Variants in ESRRA observed in about 807,000 individuals in gnomAD.
ESRRA encodes the protein estrogen related receptor alpha.
In ESRRA, 7 loss-of-function variants were observed where a neutral mutation model predicts 35.6. That is an observed-to-expected ratio of 0.20 (90% CI 0.11 to 0.37). The LOEUF (loss-of-function observed/expected upper bound fraction) is 0.37, where lower values mean the gene tolerates loss of function less well. Ranked by LOEUF, ESRRA falls within the 10% of genes least tolerant of loss-of-function variation. ESRRA has a pLI of 1.00. For missense variants in ESRRA, 378 were observed against 561.7 expected, an observed-to-expected ratio of 0.67 and a Z score of 3.31; for synonymous variants, 223 against 246.9, an observed-to-expected ratio of 0.90 and a Z score of 0.91.
chr11:64,316,643 T>G lies in ESRRA; in HGVS notation c.*677T>G. 1 of 548,960 alleles carries G rather than the reference T, an allele frequency of 1.8e-6. No individual in the cohort carries two copies. 34.0% of individuals were successfully genotyped at this position (548,960 alleles called of 1,614,324 possible). A position where few individuals can be genotyped will look rare whatever the true frequency, so the allele number is the denominator to read the frequency against. Reference sequence around the variant, plus strand: ...CAAGCCAGGGCCCAGAGCCCTTGGCTGTACAGAGACTCTATTTTAATGTAT... The same window carrying G: ...CAAGCCAGGGCCCAGAGCCCTTGGCGGTACAGAGACTCTATTTTAATGTAT... On this transcript the variant is annotated 3_prime_UTR_variant, in exon 7 of 7. Coordinates refer to ENST00000000442, the MANE Select transcript of ESRRA (RefSeq NM_004451.5).
intron 2 of ESRRA, among the ~76,000 whole-genome samples, chr11:64,307,849 C>G (rs1040410927): frequency 2.6e-5 from 4 of 152,112 alleles, no homozygotes; most frequent in African/African-American, 9.7e-5. Context: ...GAACATGTCC[C>G]CTTTTTGTTA....
Position 64,315,102 on chromosome 11 carries a change from G to C in ESRRA, c.844G>C (p.Asp282His). ...GGCCCAGCGCTCACTGCCACTGCAG[G>C]ATGAGCTGGCCTTCGCTGAGGACTT... Reference protein sequence around the residue: ...GVAQRSLPLQDELAFAEDLVL... With the variant: ...GVAQRSLPLQHELAFAEDLVL... Residue 282 changes from aspartate (D) to histidine (H), a missense_variant, in exon 6 of 7, where the codon GAT (aspartate) becomes CAT (histidine). This residue lies in a region of ESRRA where 284 missense variants were observed against 411.7 expected (regional missense o/e 0.69). Transcript: ENST00000000442. 6.2e-6 allele frequency: 10 copies of C among 1,612,230 alleles called. No individual in the cohort carries two copies. The highest frequency in any genetic ancestry group is 8.5e-6 in the Non-Finnish European group (10 of 1,180,002).
intron 2 of ESRRA, among the ~76,000 whole-genome samples, chr11:64,310,236 C>A (rs1398627229): frequency 6.8e-6 from 1 of 147,094 alleles, no homozygotes; most frequent in Non-Finnish European, 1.5e-5. Context: ...CATTCCAGCA[C>A]GTTTTTTTTT....
intron 2 of ESRRA, among the ~76,000 whole-genome samples, chr11:64,311,716 CAG>C (rs1022204665): frequency 1.7e-4 from 24 of 143,542 alleles, no homozygotes; most frequent in African/African-American, 5.7e-4. Flanking sequence ...TTTTTTTAGA[CAG>C]AGTCTCACTC....
rs2035197879 is a variant in ESRRA, at chr11:64,314,321, C to G, written c.525C>G (p.Pro175=). 3 of 1,606,488 alleles carry G rather than the reference C, an allele frequency of 1.9e-6. No individual in the cohort carries two copies. The highest frequency in any genetic ancestry group is 2.5e-6 in the Non-Finnish European group (3 of 1,176,952). ...PEVDPLPFPG[P]FPAGPLAVAG... is the part of the protein sequence containing the mutation. ...TGGACCCACTGCCCTTCCCGGGCCC[C>G]TTCCCTGCTGGGCCCCTGGCAGTCG... Residue 175 remains proline, a synonymous_variant, in exon 4 of 7, where the codon CCC becomes CCG. Coordinates refer to ENST00000000442, the MANE Select transcript of ESRRA (RefSeq NM_004451.5).
chr11:64,316,104 A>G lies in ESRRA; in HGVS notation c.*138A>G. On this transcript the variant is annotated 3_prime_UTR_variant, in exon 7 of 7. Coordinates refer to ENST00000000442, the MANE Select transcript of ESRRA (RefSeq NM_004451.5). ...CAGGGCAATGCCATCAGCCCCTGGGAACAGGCCCCACGCCCTCTCCTCCCC... is the reference window on the plus strand; with the variant it reads ...CAGGGCAATGCCATCAGCCCCTGGGGACAGGCCCCACGCCCTCTCCTCCCC... 9.5e-7 allele frequency: 1 copy of G among 1,053,374 alleles called. No individual in the cohort carries two copies. Among genetic ancestry groups the G allele is most frequent in the Non-Finnish European group, 1.4e-6 (1 of 729,780 alleles). 65.3% of individuals were successfully genotyped at this position (1,053,374 alleles called of 1,614,324 possible).
chr11:64,309,163 G>C (rs570229563), intron 2 of ESRRA, among the ~76,000 whole-genome samples: 1 of 151,958 alleles, frequency 6.6e-6, no homozygotes, highest in East Asian at 1.9e-4. Context: ...GCTGGGCTTG[G>C]TGGCTCATGG....
At chr11:64,315,358 GA>G in intron 6 of ESRRA, 88 bp downstream of exon 6, 1 of 1,422,564 alleles carries the variant, frequency 7.0e-7, no homozygotes, top group East Asian at 2.4e-5. Context: ...CCATTTTGCA[GA>G]TAACGAAAAC....
In ESRRA at chr11:64,315,201, C is replaced by T; in HGVS notation, c.943C>T (p.Arg315Trp). ...GGCTGCCCTGCTGCAACTAGTGCGGCGGCTGCAGGCCCTGCGGCTGGAGCG... is the reference window on the plus strand; with the variant it reads ...GGCTGCCCTGCTGCAACTAGTGCGGTGGCTGCAGGCCCTGCGGCTGGAGCG... ...LGAALLQLVR[R>W]LQALRLEREE... Residue 315 changes from arginine to tryptophan, a missense_variant, in exon 6 of 7, where the codon CGG (arginine) becomes TGG (tryptophan). By Grantham distance (101) the Arg-to-Trp change is moderately radical (BLOSUM62 -3). This residue lies in a region of ESRRA where 284 missense variants were observed against 411.7 expected (regional missense o/e 0.69). Transcript: ENST00000000442. 1 of 1,611,448 alleles carries T rather than the reference C, an allele frequency of 6.2e-7. No individual in the cohort carries two copies. Among genetic ancestry groups the T allele is most frequent in the Non-Finnish European group, 8.5e-7 (1 of 1,178,594 alleles).
intron 2 of ESRRA, among the ~76,000 whole-genome samples, chr11:64,310,281 C>T (rs1355724994): frequency 1.4e-5 from 2 of 144,612 alleles, no homozygotes; most frequent in Non-Finnish European, 3.0e-5. Flanking sequence ...GTCGCCCAGG[C>T]TGGAGTGCAG....
intron 2 of ESRRA, among the ~76,000 whole-genome samples, chr11:64,311,982 C>CTTTTTTTTTTTTT (rs544336819): frequency 0.069 from 4,727 of 68,138 alleles, 1,121 homozygotes; most frequent in Middle Eastern, 0.088. Context: ...TGCGCCTGGC[C>CTTTTTTTTTTTTT]TTTTTTTTTT....
At chr11:64,307,117 C>T (rs2035049075) in intron 1 of ESRRA, 51 bp from the exon 2 acceptor site, 3 of 1,446,016 alleles carry the variant, frequency 2.1e-6, no homozygotes, top group Non-Finnish European at 2.8e-6. Flanking sequence ...AGGGTGTCTC[C>T]CATCCCCCAT....
rs776907055 is a variant in ESRRA at position 64,315,715 on chromosome 11, C to T, written c.1021C>T (p.His341Tyr). ...ALALANSDSV[H>Y]IEDAEAVEQL... ...TTCCTCTCTTCTTGCAGACTCTGTG[C>T]ACATCGAAGATGCCGAGGCTGTGGA... The change falls in exon 7 of 7, where the codon CAC becomes TAC. Residue 341 changes from histidine to tyrosine, a missense_variant. By Grantham distance (83) the His-to-Tyr change is moderately conservative. Coordinates refer to ENST00000000442, the MANE Select transcript of ESRRA (RefSeq NM_004451.5). 5 of 1,613,920 alleles carry T rather than the reference C, an allele frequency of 3.1e-6. No individual in the cohort carries two copies. In the Admixed American group the frequency reaches 5.0e-5, roughly 16 times the overall value.
In ESRRA at chr11:64,314,346, G is replaced by A. The variant is rs545270604; in HGVS notation, c.550G>A (p.Ala184Thr). The change falls in exon 4 of 7, where the codon GCT becomes ACT. Residue 184 changes from alanine (A) to threonine (T), a missense_variant. Coordinates refer to ENST00000000442, the MANE Select transcript of ESRRA (RefSeq NM_004451.5). ...GPFPAGPLAV[A>T]GGPRKTAAPV... ...CTTCCCTGCTGGGCCCCTGGCAGTC[G>A]CTGGAGGCCCCCGGAAGACAGGTGA... is the stretch of plus-strand genomic sequence containing the variant. The A allele has an allele frequency of 1.1e-5, 17 of 1,591,242 alleles. No homozygotes were observed. Among genetic ancestry groups the A allele is most frequent in the South Asian group, 7.9e-5 (7 of 88,180 alleles).
At chr11:64,306,250 G>C (rs1330674206) in intron 1 of ESRRA, 1 of 152,354 alleles carries the variant, frequency 6.6e-6, no homozygotes, top group Non-Finnish European at 1.5e-5. Flanking sequence ...CGGGCGGGGA[G>C]GGGGAGGCGT....
chr11:64,314,435 G>A lies in ESRRA; in HGVS notation c.571+68G>A, dbSNP rs989358708. On this transcript the variant is annotated intron_variant, in intron 4 of 6. Coordinates refer to ENST00000000442, the MANE Select transcript of ESRRA (RefSeq NM_004451.5). ...TATGTGTGGCATCATAGTTACCTTG[G>A]GCACTGGGACCTGTATTTCCCCTTC... 2.8e-6 allele frequency: 4 copies of A among 1,453,360 alleles called. No homozygotes were observed. The African/African-American group carries it at 4.3e-5, about 16-fold the overall frequency. The allele number at this position is 1,453,360 out of a possible 1,614,324, so 90.0% of individuals were successfully genotyped here.
chr11:64,309,931 T>C (rs1041014878), intron 2 of ESRRA, among the ~76,000 whole-genome samples: 5 of 90,048 alleles, frequency 5.6e-5, no homozygotes, highest in African/African-American at 4.5e-5. Flanking sequence ...AGAGTTCGTA[T>C]CAAAAAAAAA....
intron 2 of ESRRA, among the ~76,000 whole-genome samples, chr11:64,312,428 C>T (rs2135256450): frequency 6.6e-6 from 1 of 152,338 alleles, no homozygotes; most frequent in South Asian, 2.1e-4. Flanking sequence ...GCGTGAGCCA[C>T]CGTGCCCGGC....
intron 2 of ESRRA, among the ~76,000 whole-genome samples, chr11:64,308,236 C>T (rs1355236163): frequency 2.6e-5 from 4 of 152,126 alleles, no homozygotes; most frequent in Admixed American, 6.6e-5. Context: ...CAGGCAAGGC[C>T]GGACACAGTT....
Sources: allele counts gnomAD v4.1 joint callset (sites outside exome capture counted in the v4.1 genomes callset), GRCh38; gene constraint gnomAD v4.1.1; regional missense constraint gnomAD v4.1.1; transcripts MANE v1.5; gene names NCBI Gene and HGNC (gene_info 2026-07-23, HGNC 2026-07-21).